KAT6B: variants seen among roughly 807,000 people sequenced by gnomAD.
KAT6B encodes lysine acetyltransferase 6B.
Under a neutral mutation model 187.5 loss-of-function variants are expected in KAT6B, and 10 were observed. The ratio of observed to expected loss-of-function variants is 0.05; its 90% CI spans 0.03 to 0.09. The LOEUF (loss-of-function observed/expected upper bound fraction) is 0.09. Ranked by LOEUF, KAT6B falls within the 10% of genes least tolerant of loss-of-function variation. The probability of loss-of-function intolerance (pLI) is 1.00; values close to 1 mark genes in which losing one functional copy is unlikely to be tolerated. For missense variants in KAT6B, 1,952 were observed against 2,558.9 expected (o/e 0.76, Z 5.12); for synonymous variants, 861 against 926.8 (o/e 0.93, Z 1.29).
At chr10:74,966,892 TG>T (rs1219314309) in intron 4 of KAT6B, among the ~76,000 whole-genome samples, 1 of 152,000 alleles carries the variant, frequency 6.6e-6, no homozygotes, top group Non-Finnish European at 1.5e-5. Flanking sequence ...TAGCCGGGCT[TG>T]GTGATGCGTG....
At position 75,028,689 on chromosome 10, in the gene KAT6B, G is replaced by A; in HGVS notation, c.3865G>A (p.Val1289Met). ...CATGGAGCCTGACGAGCAGGTAACA[G>A]TGGAAGAACAGAAGGAGACTTCAGA... ...TPMEPDEQVT[V>M]EEQKETSEGK... Residue 1289 changes from valine (V) to methionine (M), a missense_variant, in exon 18 of 18, where the codon GTG becomes ATG. Around this residue, in one of 9 missense-constraint regions of KAT6B, gnomAD observed 758 missense variants for 891.4 expected, o/e 0.85. Coordinates refer to ENST00000287239, the MANE Select transcript of KAT6B (RefSeq NM_012330.4). 6.2e-7 allele frequency: 1 copy of A among 1,614,084 alleles called. No individual in the cohort carries two copies. Among genetic ancestry groups the A allele is most frequent in the Non-Finnish European group, 8.5e-7 (1 of 1,180,042 alleles).
intron 4 of KAT6B, among the ~76,000 whole-genome samples, chr10:74,966,337 C>A (rs985032550): frequency 6.6e-6 from 1 of 152,190 alleles, no homozygotes; most frequent in Non-Finnish European, 1.5e-5. Flanking sequence ...ATCTCTAGGT[C>A]GGTACCCCTA....
chr10:75,026,856 C>T (rs1385228901), intron 17 of KAT6B, among the ~76,000 whole-genome samples: 1 of 152,150 alleles, frequency 6.6e-6, no homozygotes, highest in African/African-American at 2.4e-5. Flanking sequence ...CAGAATCCAG[C>T]CAGGCATGGT....
chr10:74,825,943 G>C (rs1589418037), upstream of KAT6B, among the ~76,000 whole-genome samples: 1 of 151,788 alleles, frequency 6.6e-6, no homozygotes, highest in Non-Finnish European at 1.5e-5. This position sits in a 1 kb window ranked among gnomAD's most constrained non-coding sequence, Gnocchi z 5.0. Flanking sequence ...AGAGGGTGGA[G>C]GAGGGGGCGG....
At chr10:75,009,487 G>T (rs1211098397) in intron 13 of KAT6B, among the ~76,000 whole-genome samples, 1 of 152,132 alleles carries the variant, frequency 6.6e-6, no homozygotes, top group Non-Finnish European at 1.5e-5. Context: ...TTGTGGTGAA[G>T]CTCTGCTAAT....
At chr10:74,833,134 CAAAAA>C (rs905808106) in intron 1 of KAT6B, among the ~76,000 whole-genome samples, 2 of 52,316 alleles carry the variant, frequency 3.8e-5, no homozygotes, top group African/African-American at 1.5e-4. Context: ...GACTCTGTCT[CAAAAA>C]AAAAAAAAAA....
intron 3 of KAT6B, among the ~76,000 whole-genome samples, chr10:74,932,932 G>T (rs1387633333): frequency 1.3e-5 from 2 of 152,168 alleles, no homozygotes; most frequent in African/African-American, 4.8e-5. Context: ...TCTCCTTAAA[G>T]TGTCTGTAAT....
At chr10:74,940,785 A>ATAAACTTATGTACAAAG (rs1303185578) in intron 3 of KAT6B, among the ~76,000 whole-genome samples, 1 of 151,968 alleles carries the variant, frequency 6.6e-6, no homozygotes, top group Non-Finnish European at 1.5e-5. Context: ...ACCTAAGCTC[A>ATAAACTTATGTACAAAG]TTTATGCCTT....
intron 13 of KAT6B, 114 bp downstream of exon 13, chr10:74,989,226 T>C: frequency 1.3e-6 from 1 of 770,912 alleles, no homozygotes; most frequent in Non-Finnish European, 2.3e-6. Flanking sequence ...CAATAGATAA[T>C]GGGCTTTCTA....
intron 3 of KAT6B, among the ~76,000 whole-genome samples, chr10:74,900,676 C>T (rs533047760): frequency 5.3e-5 from 8 of 152,258 alleles, no homozygotes; most frequent in South Asian, 4.2e-4. Flanking sequence ...CAAGGACTAG[C>T]GAGGTTCCCA....
chr10:74,988,983 G>A (rs776209448), intron 12 of KAT6B, 36 bp from the exon 13 acceptor site: 1 of 1,443,954 alleles, frequency 6.9e-7, no homozygotes, highest in Non-Finnish European at 9.8e-7. Flanking sequence ...CTTCAGCAGG[G>A]CTCTGACATA....
intron 3 of KAT6B, among the ~76,000 whole-genome samples, chr10:74,954,737 A>T (rs945961933): frequency 2.6e-5 from 4 of 152,190 alleles, no homozygotes; most frequent in Admixed American, 6.5e-5. Flanking sequence ...ACACATTGTG[A>T]TTGGCTGATA....
intron 3 of KAT6B, among the ~76,000 whole-genome samples, chr10:74,865,171 A>G (rs1377242007): frequency 8.5e-5 from 13 of 152,216 alleles, no homozygotes; most frequent in Non-Finnish European, 5.9e-5. Context: ...TGCCTATTCA[A>G]TAACAAAAAT....
At chr10:74,950,369 C>T (rs1840236545) in intron 3 of KAT6B, among the ~76,000 whole-genome samples, 1 of 152,164 alleles carries the variant, frequency 6.6e-6, no homozygotes, top group African/African-American at 2.4e-5. Flanking sequence ...TGGGCATGAA[C>T]CTCCCTGCAG....
In KAT6B at chr10:74,972,605, GGAC is replaced by G; in HGVS notation, c.1031_1033del (p.Arg344del). ...AAAACGACGATATGCAAAACCCATT[GGAC>G]GACCGAAAAATAAATTAAAGCAACG... On this transcript the variant is annotated inframe_deletion, in exon 7 of 18. Coordinates refer to ENST00000287239, the MANE Select transcript of KAT6B (RefSeq NM_012330.4). 6.2e-7 allele frequency: 1 copy of G among 1,613,240 alleles called. No individual in the cohort carries two copies. The highest frequency in any genetic ancestry group is 8.5e-7 in the Non-Finnish European group (1 of 1,179,442).
intron 8 of KAT6B, chr10:74,976,716 TC>T: frequency 3.1e-6 from 1 of 324,070 alleles, no homozygotes; most frequent in Non-Finnish European, 5.8e-6. Flanking sequence ...TGTCAGTGCT[TC>T]CAACAGGGGG....
intron 3 of KAT6B, among the ~76,000 whole-genome samples, chr10:74,888,833 G>A (rs1355810300): frequency 6.6e-6 from 1 of 152,242 alleles, no homozygotes; most frequent in Non-Finnish European, 1.5e-5. Context: ...AAGTGTGTAA[G>A]AGTGTGGTAT....
chr10:74,896,617 TAGAA>T (rs1846011467), intron 3 of KAT6B, among the ~76,000 whole-genome samples: 1 of 152,192 alleles, frequency 6.6e-6, no homozygotes, highest in African/African-American at 2.4e-5. Flanking sequence ...CGATTATGGG[TAGAA>T]AGAAAGAGCA....
intron 3 of KAT6B, among the ~76,000 whole-genome samples, chr10:74,876,683 GTGGT>G (rs1844436053): frequency 6.6e-6 from 1 of 152,076 alleles, no homozygotes; most frequent in African/African-American, 2.4e-5. Context: ...GGAGGCCGAG[GTGGT>G]CGGATCACCT....
Sources: gnomAD v4.1 joint callset for allele counts (sites outside exome capture counted in the v4.1 genomes callset) on GRCh38, gnomAD v4.1.1 for gene constraint, gnomAD v4.1.1 regional missense constraint, Gnocchi (gnomAD v3.1) non-coding constraint, MANE v1.5 for transcripts, NCBI Gene and HGNC (gene_info 2026-07-23, HGNC 2026-07-21) for gene names.